The following PBX1 variants were observed in gnomAD, a reference collection of about 807,000 sequenced individuals.
PBX1 encodes pre-B-cell leukemia transcription factor 1.
PBX1 carries 6 observed loss-of-function variants against 53.4 expected under a neutral mutation model. The observed-to-expected ratio is 0.11, with a 90% CI of 0.06 to 0.22. PBX1 has a LOEUF of 0.22. Among genes scored for constraint, PBX1 ranks in the 10% least tolerant of loss-of-function variants. PBX1 has a pLI of 1.00. For missense variants in PBX1, 251 were observed against 551.4 expected, an observed-to-expected ratio of 0.46 and a Z score of 5.46; for synonymous variants, 204 against 212.3, an observed-to-expected ratio of 0.96 and a Z score of 0.34.
chr1:164,834,221 A>T (rs1484025947), intron 8 of PBX1, among the ~76,000 whole-genome samples: 1 of 151,822 alleles, frequency 6.6e-6, no homozygotes, highest in Non-Finnish European at 1.5e-5. Flanking sequence ...GAGACTTATT[A>T]TTACTCAGAA....
At chr1:164,731,658 C>A (rs952829855) in intron 2 of PBX1, among the ~76,000 whole-genome samples, 4 of 152,246 alleles carry the variant, frequency 2.6e-5, no homozygotes, top group Non-Finnish European at 5.9e-5. Flanking sequence ...ATTGTCGCCT[C>A]TCTTTGCCTC....
chr1:164,597,111 G>C (rs1163140249), intron 2 of PBX1, among the ~76,000 whole-genome samples: 1 of 152,186 alleles, frequency 6.6e-6, no homozygotes, highest in Non-Finnish European at 1.5e-5. Flanking sequence ...GTTTTCTTAT[G>C]CTTATTTTTG....
chr1:164,667,823 C>G (rs943986552), intron 2 of PBX1, among the ~76,000 whole-genome samples: 2 of 152,166 alleles, frequency 1.3e-5, no homozygotes, highest in African/African-American at 4.8e-5. Flanking sequence ...TGGGGATTCC[C>G]AGAGGTCTCA....
intron 2 of PBX1, among the ~76,000 whole-genome samples, chr1:164,721,216 G>A (rs1012411601): frequency 6.6e-6 from 1 of 152,214 alleles, no homozygotes; most frequent in African/African-American, 2.4e-5. Context: ...GTCATGCTTT[G>A]TGGTGGAAAG....
intron 4 of PBX1, 22 bp from the exon 5 acceptor site, chr1:164,807,520 T>G (rs1400216184): frequency 6.2e-7 from 1 of 1,609,540 alleles, no homozygotes; most frequent in Admixed American, 1.7e-5. Context: ...TTTTTGTTAT[T>G]ATTTCCTTTC....
chr1:164,627,998 A>G (rs545202011), intron 2 of PBX1, among the ~76,000 whole-genome samples: 21 of 152,314 alleles, frequency 1.4e-4, no homozygotes, highest in African/African-American at 4.8e-4. Context: ...TACCTGTTTT[A>G]GATTCAGGTA....
At chr1:164,833,278 G>A (rs563074432) in intron 8 of PBX1, among the ~76,000 whole-genome samples, 1 of 152,138 alleles carries the variant, frequency 6.6e-6, no homozygotes, top group East Asian at 1.9e-4. Flanking sequence ...CTTGTCTAAT[G>A]TGGTGATTTT....
chr1:164,782,558 C>G (rs535057386), intron 2 of PBX1, among the ~76,000 whole-genome samples: 1 of 152,156 alleles, frequency 6.6e-6, no homozygotes, highest in South Asian at 2.1e-4. Context: ...TATTAGGAAC[C>G]CTGCCTTTGA....
At chr1:164,762,328 A>C (rs540843097) in intron 2 of PBX1, among the ~76,000 whole-genome samples, 1 of 152,032 alleles carries the variant, frequency 6.6e-6, no homozygotes, top group African/African-American at 2.4e-5. Context: ...AGTTTAGGGA[A>C]CTCTGTTCTT....
At chr1:164,571,818 ATTTTTT>A (rs966010549) in intron 2 of PBX1, among the ~76,000 whole-genome samples, 1 of 138,802 alleles carries the variant, frequency 7.2e-6, no homozygotes, top group African/African-American at 2.7e-5. Context: ...CAGTAGGCAC[ATTTTTT>A]AAAAACAGCT....
chr1:164,570,299 G>T (rs1382470194), intron 2 of PBX1, among the ~76,000 whole-genome samples: 2 of 152,064 alleles, frequency 1.3e-5, no homozygotes, highest in Non-Finnish European at 2.9e-5. Context: ...ATGGTGGTTT[G>T]CTCTACCCAT....
chr1:164,711,838 T>C (rs1663801311), intron 2 of PBX1, among the ~76,000 whole-genome samples: 1 of 152,226 alleles, frequency 6.6e-6, no homozygotes. Context: ...GCCTGCCGTC[T>C]GCCGGACACT....
In PBX1 at chr1:164,876,006, A is replaced by AT. The variant is rs1491246420; in HGVS notation, n.258-23182_258-23181insT. Among the ~76,000 whole-genome samples, 2 of 56,474 alleles carry AT rather than the reference A, an allele frequency of 3.5e-5. 1 individual carries two copies. The highest frequency in any genetic ancestry group is 1.2e-3 in the South Asian group (2 of 1,638). The allele number at this position is 56,474 out of a possible 152,430, so 37.0% of individuals were successfully genotyped here. On this transcript the variant is annotated intron_variant and non_coding_transcript_variant, in intron 2 of 2. Coordinates refer to the PBX1 transcript ENST00000558796. ...TGTATGTGTATATATATATATATATACACACATACACCAAATGGTTTTTTA... is the reference window on the plus strand; with the variant it reads ...TGTATGTGTATATATATATATATATATCACACATACACCAAATGGTTTTTTA...
intron 2 of PBX1, among the ~76,000 whole-genome samples, chr1:164,690,858 G>T (rs2102022175): frequency 6.6e-6 from 1 of 152,150 alleles, no homozygotes; most frequent in African/African-American, 2.4e-5. Context: ...CTGTTTTACG[G>T]ATGATGCGGT....
chr1:164,568,746 C>G (rs559613365), intron 2 of PBX1, among the ~76,000 whole-genome samples: 2 of 152,180 alleles, frequency 1.3e-5, no homozygotes, highest in African/African-American at 4.8e-5. Context: ...AATCGATCGT[C>G]GCTCATGAGG....
At position 164,698,902 on chromosome 1, in the gene PBX1, CAG is replaced by C. The variant is rs1491279642; in HGVS notation, c.266-93591_266-93590del. Among the ~76,000 whole-genome samples the C allele has an allele frequency of 2.3e-3, 346 of 152,270 alleles. 4 individuals carry two copies. Among genetic ancestry groups the C allele is most frequent in the African/African-American group, 6.8e-3 (283 of 41,536 alleles). On this transcript the variant is annotated intron_variant, in intron 2 of 8. Coordinates refer to ENST00000420696, the MANE Select transcript of PBX1 (RefSeq NM_002585.4). The stretch of plus-strand genomic sequence containing the variant: ...CCATTTTACATGTGAGGACAGAGCA[CAG>C]GGGGGTTTTGAAACAAGGTCCCAAG...
chr1:164,707,807 C>T (rs912141471), intron 2 of PBX1, among the ~76,000 whole-genome samples: 94 of 152,246 alleles, frequency 6.2e-4, no homozygotes, highest in Non-Finnish European at 7.4e-4. Context: ...GTGTTAGCCC[C>T]TTAAAGTGGT....
At chr1:164,853,577 C>T (rs1463092243), downstream of PBX1, among the ~76,000 whole-genome samples, 4 of 152,172 alleles carry the variant, frequency 2.6e-5, no homozygotes, top group Admixed American at 6.5e-5. Flanking sequence ...GAAGTCTCCA[C>T]CTCTATAGAA....
At chr1:164,564,835 A>T (rs1022484672) in intron 2 of PBX1, among the ~76,000 whole-genome samples, 5 of 151,382 alleles carry the variant, frequency 3.3e-5, no homozygotes, top group South Asian at 2.1e-4. Flanking sequence ...ATTTATATAT[A>T]TTTTTTTATC....
Sources: gnomAD v4.1 joint callset for allele counts (sites outside exome capture counted in the v4.1 genomes callset) on GRCh38, gnomAD v4.1.1 for gene constraint, MANE v1.5 for transcripts, NCBI Gene and HGNC (gene_info 2026-07-23, HGNC 2026-07-21) for gene names.